The following PTPRG variants were observed in gnomAD, a reference collection of about 807,000 sequenced individuals.
PTPRG encodes receptor-type tyrosine-protein phosphatase gamma.
In PTPRG, 102 loss-of-function variants were observed where a neutral mutation model predicts 165.3. The ratio of observed to expected loss-of-function variants is 0.62; its 90% CI spans 0.53 to 0.73. PTPRG has a LOEUF of 0.73. Ranked by LOEUF, PTPRG falls within the 30% of genes least tolerant of loss-of-function variation. The pLI is 0.00. For missense variants in PTPRG, 1,866 were observed against 1,861.4 expected (o/e 1.00, Z -0.05); for synonymous variants, 675 against 669.5 (o/e 1.01, Z -0.13).
intron 5 of PTPRG, among the ~76,000 whole-genome samples, chr3:62,083,616 A>G (rs1329644960): frequency 1.3e-5 from 2 of 152,176 alleles, no homozygotes; most frequent in Non-Finnish European, 2.9e-5. Context: ...TCACAGAACA[A>G]TTTCATTGGT....
intron 4 of PTPRG, among the ~76,000 whole-genome samples, chr3:62,012,693 T>C (rs2041457485): frequency 6.6e-6 from 1 of 152,164 alleles, no homozygotes; most frequent in African/African-American, 2.4e-5. Context: ...TTCCCACTTG[T>C]GGCATCATAT....
intron 1 of PTPRG, among the ~76,000 whole-genome samples, chr3:61,584,151 C>G (rs914562237): frequency 5.9e-5 from 9 of 152,098 alleles, no homozygotes; most frequent in African/African-American, 1.9e-4. Flanking sequence ...AACACTTAGC[C>G]TTAACTGCTT....
chr3:62,042,166 G>A (rs937062554), intron 4 of PTPRG, among the ~76,000 whole-genome samples: 6 of 152,162 alleles, frequency 3.9e-5, no homozygotes, highest in African/African-American at 1.4e-4. Context: ...TTTGGGGCAA[G>A]CTCAGAGATG....
At chr3:61,891,716 CAA>C (rs2038220032) in intron 2 of PTPRG, among the ~76,000 whole-genome samples, 1 of 152,198 alleles carries the variant, frequency 6.6e-6, no homozygotes, top group Non-Finnish European at 1.5e-5. Context: ...TAAAGAGAGG[CAA>C]AGTGTTTTGT....
chr3:61,609,484 C>T (rs760495369), intron 1 of PTPRG, among the ~76,000 whole-genome samples: 1 of 152,192 alleles, frequency 6.6e-6, no homozygotes, highest in East Asian at 1.9e-4. Context: ...AAGAGTAGTA[C>T]AAACAGAAAA....
chr3:61,757,537 T>G (rs1055048276), intron 2 of PTPRG, among the ~76,000 whole-genome samples: 1 of 152,198 alleles, frequency 6.6e-6, no homozygotes, highest in Non-Finnish European at 1.5e-5. Flanking sequence ...CATTTCATTT[T>G]TTTATAAAAT....
intron 2 of PTPRG, among the ~76,000 whole-genome samples, chr3:61,756,279 GT>G (rs1158567353): frequency 6.6e-6 from 1 of 152,174 alleles, no homozygotes; most frequent in South Asian, 2.1e-4. Context: ...CTACCTAAAT[GT>G]TTTTGGATAG....
At chr3:62,024,788 T>C (rs2041769943) in intron 4 of PTPRG, among the ~76,000 whole-genome samples, 1 of 152,226 alleles carries the variant, frequency 6.6e-6, no homozygotes, top group Non-Finnish European at 1.5e-5. Context: ...AATCAGTAGA[T>C]CTGATAAATG....
intron 1 of PTPRG, among the ~76,000 whole-genome samples, chr3:61,614,146 C>A (rs900405081): frequency 6.6e-6 from 1 of 152,106 alleles, no homozygotes; most frequent in African/African-American, 2.4e-5. Context: ...GCCTGTTGTT[C>A]CTCACTCACT....
intron 8 of PTPRG, 44 bp downstream of exon 8, chr3:62,168,207 C>T (rs1303035658): frequency 2.0e-6 from 3 of 1,515,150 alleles, no homozygotes; most frequent in East Asian, 2.3e-5. Context: ...GATTCCTTAT[C>T]ATAAATTACT....
At chr3:61,994,707 A>T (rs2040978263) in intron 3 of PTPRG, among the ~76,000 whole-genome samples, 1 of 152,344 alleles carries the variant, frequency 6.6e-6, no homozygotes, top group East Asian at 1.9e-4. Context: ...AAGCTAAATA[A>T]TGAACAAACT....
intron 5 of PTPRG, chr3:62,124,054 G>C (rs1269430658): frequency 4.0e-6 from 2 of 501,398 alleles, no homozygotes; most frequent in Middle Eastern, 5.3e-4. Context: ...ATCATTCTTA[G>C]TTTTCCTTCC....
intron 5 of PTPRG, among the ~76,000 whole-genome samples, chr3:62,112,587 T>A (rs1236755053): frequency 6.6e-6 from 1 of 152,236 alleles, no homozygotes; most frequent in African/African-American, 2.4e-5. Context: ...CCAGTAGATA[T>A]TAACTGTTAC....
At chr3:61,887,170 A>ATATATTTTTTTTTTTTT (rs60282456) in intron 2 of PTPRG, among the ~76,000 whole-genome samples, 1 of 115,522 alleles carries the variant, frequency 8.7e-6, no homozygotes, top group African/African-American at 3.3e-5. Context: ...ATATATATAT[A>ATATATTTTTTTTTTTTT]TTTTTAATGC....
At chr3:62,076,557 C>G (rs1013719210) in intron 4 of PTPRG, among the ~76,000 whole-genome samples, 1 of 150,834 alleles carries the variant, frequency 6.6e-6, no homozygotes, top group Middle Eastern at 3.5e-3. Context: ...TGGGGATACC[C>G]AATGGTTCAT....
Position 61,715,147 on chromosome 3 carries a change from A to G in PTPRG, c.86-33731A>G, listed in dbSNP as rs577644351. 1.6e-4 allele frequency among the ~76,000 whole-genome samples: 24 copies of G among 151,182 alleles called. No individual in the cohort carries two copies. The South Asian group carries it at 4.6e-3, about 29-fold the overall frequency. On this transcript the variant is annotated intron_variant, in intron 1 of 29. Transcript: ENST00000474889. ...TGGTCATAGGTACAGCTTCTGCTAC[A>G]GAGAGAATCATCTCCTGCTTGCTTT...
At chr3:61,725,881 TC>T (rs954374982) in intron 1 of PTPRG, among the ~76,000 whole-genome samples, 11 of 152,152 alleles carry the variant, frequency 7.2e-5, no homozygotes, top group Admixed American at 5.9e-4. Context: ...CAATTTTAAG[TC>T]AGATCGAGAG....
intron 1 of PTPRG, among the ~76,000 whole-genome samples, chr3:61,727,743 A>G (rs1559577416): frequency 6.6e-6 from 1 of 152,206 alleles, no homozygotes; most frequent in African/African-American, 2.4e-5. Context: ...TAATCCCAGT[A>G]ATATCAAGTC....
At chr3:61,996,365 A>G (rs1457194237) in intron 3 of PTPRG, among the ~76,000 whole-genome samples, 1 of 152,184 alleles carries the variant, frequency 6.6e-6, no homozygotes, top group Non-Finnish European at 1.5e-5. Flanking sequence ...GATCCTTAAT[A>G]GGTGTAAATA....
Sources: gnomAD v4.1 joint callset for allele counts (sites outside exome capture counted in the v4.1 genomes callset) on GRCh38, gnomAD v4.1.1 for gene constraint, MANE v1.5 for transcripts, NCBI Gene and HGNC (gene_info 2026-07-23, HGNC 2026-07-21) for gene names.